The following CSMD1 variants were observed in gnomAD, a reference collection of about 807,000 sequenced individuals.
CSMD1 encodes CUB and sushi domain-containing protein 1.
Under a neutral mutation model 417.5 loss-of-function variants are expected in CSMD1, and 213 were observed. The observed-to-expected ratio is 0.51, with a 90% CI of 0.46 to 0.57. CSMD1 has a LOEUF of 0.57. CSMD1 is among the 20% of genes least tolerant of loss of function. CSMD1 has a pLI of 0.00. For missense variants in CSMD1, 6,923 were observed against 4,529.7 expected, an observed-to-expected ratio of 1.53 and a Z score of -15.17; for synonymous variants, 2,862 against 1,736.8, an observed-to-expected ratio of 1.65 and a Z score of -16.11.
chr8:3,983,111 A>G (rs1004389276), intron 5 of CSMD1, among the ~76,000 whole-genome samples: 1 of 148,378 alleles, frequency 6.7e-6, no homozygotes, highest in African/African-American at 2.5e-5. Flanking sequence ...AGACATCGTT[A>G]TGCATCCTCC....
intron 5 of CSMD1, among the ~76,000 whole-genome samples, chr8:3,958,251 G>A (rs2688341): frequency 0.46 from 68,868 of 150,944 alleles, 16,558 homozygotes; most frequent in East Asian, 0.79. Flanking sequence ...GTCTTCCATC[G>A]TTTTGTAATA....
intron 5 of CSMD1, among the ~76,000 whole-genome samples, chr8:3,788,745 A>G (rs1356626727): frequency 6.6e-6 from 1 of 152,194 alleles, no homozygotes; most frequent in Non-Finnish European, 1.5e-5. Context: ...TTTCACATCC[A>G]TGCAGTTGTT....
intron 3 of CSMD1, among the ~76,000 whole-genome samples, chr8:4,226,239 A>C (rs779761156): frequency 5.3e-5 from 8 of 152,294 alleles, no homozygotes; most frequent in Non-Finnish European, 8.8e-5. Context: ...CAAAAACAAA[A>C]AGTAAAATAG....
chr8:3,362,193 C>T (rs1809232172), intron 20 of CSMD1, among the ~76,000 whole-genome samples: 1 of 152,192 alleles, frequency 6.6e-6, no homozygotes, highest in Non-Finnish European at 1.5e-5. Flanking sequence ...AATCTCTGGA[C>T]TTCACAGTCA....
chr8:3,969,690 T>A (rs1812944769), intron 5 of CSMD1, among the ~76,000 whole-genome samples: 2 of 152,216 alleles, frequency 1.3e-5, no homozygotes, highest in Admixed American at 1.3e-4. Flanking sequence ...GTAGTGGACA[T>A]GGTTCACACA....
chr8:3,343,636 A>G (rs1471884219), intron 22 of CSMD1, among the ~76,000 whole-genome samples, 186 bp from the exon 23 acceptor site: 1 of 152,198 alleles, frequency 6.6e-6, no homozygotes, highest in Non-Finnish European at 1.5e-5. Flanking sequence ...TTTTATCTTT[A>G]CCATTAACAC....
At chr8:4,015,673 A>AC (rs1796487044) in intron 4 of CSMD1, among the ~76,000 whole-genome samples, 1 of 151,020 alleles carries the variant, frequency 6.6e-6, no homozygotes, top group Admixed American at 6.6e-5. Flanking sequence ...AAAAAAAAAA[A>AC]AAAAAAAAAA....
chr8:3,138,326 T>A (rs1457884493), intron 41 of CSMD1, among the ~76,000 whole-genome samples: 2 of 152,192 alleles, frequency 1.3e-5, no homozygotes, highest in Non-Finnish European at 2.9e-5. Flanking sequence ...CTGTAGATAC[T>A]CAGGGATCCA....
At chr8:4,446,757 G>GTGTGTGTGTGTGTGTGTGTGTGTC (rs1798828686) in intron 2 of CSMD1, among the ~76,000 whole-genome samples, 2 of 26,260 alleles carry the variant, frequency 7.6e-5, no homozygotes, top group Non-Finnish European at 1.6e-4. Flanking sequence ...GTGTGTGTCT[G>GTGTGTGTGTGTGTGTGTGTGTGTC]TGTGTGTGTG....
intron 30 of CSMD1, among the ~76,000 whole-genome samples, chr8:3,210,323 T>G (rs925302365): frequency 3.3e-5 from 5 of 152,190 alleles, no homozygotes; most frequent in Non-Finnish European, 7.4e-5. Flanking sequence ...GCTGTGCTCT[T>G]TGATGACTAG....
chr8:4,068,291 C>T (rs1471688482), intron 3 of CSMD1, among the ~76,000 whole-genome samples: 8 of 152,076 alleles, frequency 5.3e-5, no homozygotes. Context: ...TACTTTGTAG[C>T]TGGAGGACAG....
chr8:4,333,970 C>A (rs1200067894), intron 3 of CSMD1, among the ~76,000 whole-genome samples: 1 of 152,094 alleles, frequency 6.6e-6, no homozygotes, highest in Non-Finnish European at 1.5e-5. Context: ...CGGCTCACTG[C>A]AGTCTTAATG....
At chr8:3,272,244 T>C (rs1358762423) in intron 26 of CSMD1, among the ~76,000 whole-genome samples, 2 of 144,732 alleles carry the variant, frequency 1.4e-5, no homozygotes, top group African/African-American at 2.6e-5. Context: ...TAGTTGTAGA[T>C]ATGCGGCGTT....
chr8:4,163,817 C>G (rs896631126), intron 3 of CSMD1, among the ~76,000 whole-genome samples: 2 of 152,140 alleles, frequency 1.3e-5, no homozygotes, highest in Non-Finnish European at 2.9e-5. Context: ...ATTTTCTACA[C>G]CTATACCCCT....
intron 3 of CSMD1, among the ~76,000 whole-genome samples, chr8:4,156,950 C>A (rs1433858207): frequency 6.6e-6 from 1 of 152,082 alleles, no homozygotes; most frequent in Non-Finnish European, 1.5e-5. Context: ...ATCTATCCAA[C>A]CAACTTTGCA....
chr8:4,939,787 G>T (rs62488197), intron 1 of CSMD1, among the ~76,000 whole-genome samples: 2 of 151,960 alleles, frequency 1.3e-5, no homozygotes, highest in Non-Finnish European at 2.9e-5. Context: ...ACTGTTAATA[G>T]AGTCGATTTT....
chr8:3,724,772 G>A, intron 6 of CSMD1, among the ~76,000 whole-genome samples: 1 of 152,150 alleles, frequency 6.6e-6, no homozygotes, highest in Admixed American at 6.5e-5. Flanking sequence ...TAAGCAAAAA[G>A]CCATAAGAAT....
At chr8:3,904,149 T>C (rs1033128788) in intron 5 of CSMD1, among the ~76,000 whole-genome samples, 2 of 152,176 alleles carry the variant, frequency 1.3e-5, no homozygotes, top group Non-Finnish European at 2.9e-5. Context: ...GGATAAATAT[T>C]ATTTTCACTT....
At chr8:3,859,656 G>C (rs931916006) in intron 5 of CSMD1, among the ~76,000 whole-genome samples, 1 of 152,144 alleles carries the variant, frequency 6.6e-6, no homozygotes, top group African/African-American at 2.4e-5. Context: ...TGAAGAGTGA[G>C]TTCAACCATA....
Sources: allele counts gnomAD v4.1 joint callset (sites outside exome capture counted in the v4.1 genomes callset), GRCh38; gene constraint gnomAD v4.1.1; transcripts MANE v1.5; gene names NCBI Gene and HGNC (gene_info 2026-07-23, HGNC 2026-07-21).